The following TOMM20 variants were observed in gnomAD, a reference collection of about 807,000 sequenced individuals.
TOMM20 encodes the protein mitochondrial import receptor subunit TOM20 homolog.
A neutral mutation model predicts 22.1 loss-of-function variants in TOMM20; 10 were observed. The ratio of observed to expected loss-of-function variants is 0.45; its 90% confidence interval spans 0.28 to 0.77. TOMM20 has a LOEUF of 0.77. Ranked by LOEUF, TOMM20 falls within the 30% of genes least tolerant of loss-of-function variation. The pLI, the probability that TOMM20 is intolerant of heterozygous loss-of-function variation, is 0.13. For missense variants in TOMM20, 121 were observed against 172.2 expected (o/e 0.70, Z 1.66); for synonymous variants, 55 against 61.4 (o/e 0.90, Z 0.49).
intron 3 of TOMM20, among the ~76,000 whole-genome samples, chr1:235,114,628 G>A (rs528255934): frequency 1.1e-4 from 16 of 151,592 alleles, no homozygotes; most frequent in South Asian, 6.3e-4. Flanking sequence ...TAGTAGAGAC[G>A]AGGTTTCACC....
intron 1 of TOMM20, among the ~76,000 whole-genome samples, chr1:235,128,374 T>C (rs1319835784): frequency 2.0e-5 from 3 of 152,020 alleles, no homozygotes; most frequent in Non-Finnish European, 4.4e-5. Context: ...ACGGCTAAAG[T>C]GTCTGGGGAA....
At chr1:235,115,675 A>G (rs1660816593) in intron 3 of TOMM20, among the ~76,000 whole-genome samples, 1 of 152,194 alleles carries the variant, frequency 6.6e-6, no homozygotes. Flanking sequence ...CAAGTAGAGG[A>G]ACAATTCTCA....
In TOMM20 at chr1:235,111,200, A is replaced by G. The variant is rs1428443369; in HGVS notation, c.*864T>C. The G allele has an allele frequency of 6.6e-6, 1 of 152,224 alleles. No homozygotes were observed. Among genetic ancestry groups the G allele is most frequent in the Non-Finnish European group, 1.5e-5 (1 of 68,044 alleles). 9.4% of individuals were successfully genotyped at this position (152,224 alleles called of 1,614,324 possible). A position where few individuals can be genotyped will look rare whatever the true frequency, so the allele number is the denominator to read the frequency against. On this transcript the variant is annotated 3_prime_UTR_variant, in exon 5 of 5. Coordinates refer to ENST00000366607, the MANE Select transcript of TOMM20 (RefSeq NM_014765.3). Reference sequence around the variant, plus strand: ...GTCAGGCAAGCATGCAAAATTCAGAATATAAAAAAATGCAGGGCCTGGTTG... The same window carrying G: ...GTCAGGCAAGCATGCAAAATTCAGAGTATAAAAAAATGCAGGGCCTGGTTG...
intron 1 of TOMM20, among the ~76,000 whole-genome samples, chr1:235,124,125 T>C (rs537149870): frequency 1.3e-5 from 2 of 152,346 alleles, no homozygotes; most frequent in African/African-American, 4.8e-5. Flanking sequence ...GGCGGGCGGA[T>C]CACTGGAGGT....
rs1236328815 is a variant in TOMM20 at position 235,128,742 on chromosome 1, G to C, written c.-27C>G. On this transcript the variant is annotated 5_prime_UTR_variant, in exon 1 of 5. Coordinates refer to ENST00000366607, the MANE Select transcript of TOMM20 (RefSeq NM_014765.3). ...TTCTCTACAACGCTGAGCGTGGACG[G>C]TGGCGGCAGGGACCGCGAAGGAGCG... 1.2e-6 allele frequency: 2 copies of C among 1,613,172 alleles called. No homozygotes were observed. Among genetic ancestry groups the C allele is most frequent in the Admixed American group, 3.3e-5 (2 of 60,006 alleles).
chr1:235,116,517 A>C lies in TOMM20; in HGVS notation c.251-2607T>G, dbSNP rs562248047. ...CATGCCACTGCACTCCAGCCTGGCG[A>C]AAGAGTGAGACTCCATCTCAAAAAA... On this transcript the variant is annotated intron_variant, in intron 3 of 4. Transcript: ENST00000366607. 4.6e-5 allele frequency among the ~76,000 whole-genome samples: 7 copies of C among 151,286 alleles called. No individual in the cohort carries two copies. The East Asian group carries it at 1.4e-3, about 30-fold the overall frequency.
chr1:235,113,159 G>T (rs1206168999), intron 4 of TOMM20, among the ~76,000 whole-genome samples: 2 of 152,164 alleles, frequency 1.3e-5, no homozygotes, highest in Non-Finnish European at 2.9e-5. Flanking sequence ...TCCTTGAAAA[G>T]AACTCAAAAT....
Position 235,119,867 on chromosome 1 carries a change from C to G in TOMM20, c.201G>C (p.Gln67His), listed in dbSNP as rs749711374. 5 of 1,612,400 alleles carry G rather than the reference C, an allele frequency of 3.1e-6. No individual in the cohort carries two copies. Among genetic ancestry groups the G allele is most frequent in the Non-Finnish European group, 3.4e-6 (4 of 1,178,998 alleles). ...GCTGTATTTCTTCAAGGAAGAACTTCTGAACAGCTTCAGCATCTTTAAGGT... is the reference window on the plus strand; with the variant it reads ...GCTGTATTTCTTCAAGGAAGAACTTGTGAACAGCTTCAGCATCTTTAAGGT... ...LPDLKDAEAV[Q>H]KFFLEEIQLG... is the part of the protein sequence containing the mutation. The change falls in exon 3 of 5, where the codon CAG (glutamine) becomes CAC (histidine). Residue 67 changes from glutamine to histidine, a missense_variant. Gln to His is a conservative substitution (Grantham distance 24). Coordinates refer to ENST00000366607, the MANE Select transcript of TOMM20 (RefSeq NM_014765.3).
intron 4 of TOMM20, among the ~76,000 whole-genome samples, chr1:235,113,270 C>G (rs904975375): frequency 6.6e-6 from 1 of 152,098 alleles, no homozygotes; most frequent in Admixed American, 6.6e-5. Context: ...TTGGGGATGT[C>G]GTCAAATAGC....
At chr1:235,117,012 G>A (rs1327106644) in intron 3 of TOMM20, among the ~76,000 whole-genome samples, 2 of 150,656 alleles carry the variant, frequency 1.3e-5, no homozygotes, top group African/African-American at 4.9e-5. Flanking sequence ...GTGGGCGCCT[G>A]TAGTCCCAGC....
chr1:235,116,903 A>G (rs946582640), intron 3 of TOMM20, among the ~76,000 whole-genome samples: 2 of 152,162 alleles, frequency 1.3e-5, no homozygotes, highest in East Asian at 3.9e-4. Context: ...TGGGAGGCCA[A>G]GGCGGGCGGA....
chr1:235,116,919 A>T (rs939540085), intron 3 of TOMM20, among the ~76,000 whole-genome samples: 9 of 149,336 alleles, frequency 6.0e-5, no homozygotes, highest in Non-Finnish European at 1.2e-4. Flanking sequence ...GCGGATCACA[A>T]GGTCAGGAGA....
rs149932457 is a variant in TOMM20, at chr1:235,122,386, A to G, written c.122-14T>C. The G allele has an allele frequency of 2.2e-5, 35 of 1,581,208 alleles. No homozygotes were observed. The East Asian group carries it at 5.9e-4, about 27-fold the overall frequency. On this transcript the variant is annotated splice_polypyrimidine_tract_variant and intron_variant, in intron 1 of 4. Coordinates refer to ENST00000366607, the MANE Select transcript of TOMM20 (RefSeq NM_014765.3). The stretch of plus-strand genomic sequence containing the variant: ...GTTTCTTTCTTCCTGCAAGAAATGC[A>G]AAGTTATATTTACATTTTGTCATTA...
At chr1:235,123,962 G>T (rs1660972888) in intron 1 of TOMM20, among the ~76,000 whole-genome samples, 1 of 152,230 alleles carries the variant, frequency 6.6e-6, no homozygotes, top group African/African-American at 2.4e-5. Flanking sequence ...TGAAGACAAG[G>T]AACGCTTGGA....
intron 3 of TOMM20, among the ~76,000 whole-genome samples, chr1:235,116,863 C>T (rs976842884): frequency 7.2e-5 from 11 of 151,956 alleles, no homozygotes; most frequent in South Asian, 6.2e-4. Context: ...GGGCTGGGCA[C>T]GCTGGCTCAA....
Position 235,116,232 on chromosome 1 carries a change from C to T in TOMM20, c.251-2322G>A, listed in dbSNP as rs192849313. ...CAGCCTGGCCAACATGGTGAAACTC[C>T]ATCTCTACTAAAAATACAAAAATTA... On this transcript the variant is annotated intron_variant, in intron 3 of 4. Coordinates refer to ENST00000366607, the MANE Select transcript of TOMM20 (RefSeq NM_014765.3). Among the ~76,000 whole-genome samples the T allele has an allele frequency of 2.0e-3, 297 of 151,978 alleles. 1 individual carries two copies. Among genetic ancestry groups the T allele is most frequent in the African/African-American group, 5.6e-3 (231 of 41,444 alleles).
chr1:235,110,218 T>C lies in TOMM20; in HGVS notation c.*1846A>G, dbSNP rs1360207813. The C allele has an allele frequency of 6.6e-6, 1 of 152,202 alleles. No individual in the cohort carries two copies. The highest frequency in any genetic ancestry group is 6.5e-5 in the Admixed American group (1 of 15,276). 9.4% of individuals were successfully genotyped at this position (152,202 alleles called of 1,614,324 possible). ...CCAGTTCCCAAGGAAACGGCGTTTC[T>C]ACCCTCCCCAAACTTAAGCTGCCCC... On this transcript the variant is annotated 3_prime_UTR_variant, in exon 5 of 5. Transcript: ENST00000366607.
intron 4 of TOMM20, among the ~76,000 whole-genome samples, chr1:235,113,492 G>C (rs1248466977): frequency 6.6e-6 from 1 of 152,170 alleles, no homozygotes; most frequent in Admixed American, 6.5e-5. Flanking sequence ...GTAGCCAAGA[G>C]TGACCTGAAT....
chr1:235,111,617 TCA>T lies in TOMM20; in HGVS notation c.*445_*446del. On this transcript the variant is annotated 3_prime_UTR_variant, in exon 5 of 5. Transcript: ENST00000366607. ...AAGGATCAATCAAAACCTTTAATGC[TCA>T]GTTTTCACAAACACAGTCAAGTCTA... The T allele has an allele frequency of 6.2e-6, 1 of 161,838 alleles. No homozygotes were observed. Among genetic ancestry groups the T allele is most frequent in the East Asian group, 1.9e-4 (1 of 5,394 alleles). The allele number at this position is 161,838 out of a possible 1,614,324, so 10.0% of individuals were successfully genotyped here.
Sources: gnomAD v4.1 joint callset for allele counts (sites outside exome capture counted in the v4.1 genomes callset) on GRCh38, gnomAD v4.1.1 for gene constraint, MANE v1.5 for transcripts, NCBI Gene and HGNC (gene_info 2026-07-23, HGNC 2026-07-21) for gene names.